B3GALT1: variants seen among roughly 807,000 people sequenced by gnomAD.
B3GALT1 encodes UDP-Gal:betaGlcNAc beta 1,3-galactosyltransferase, polypeptide 1.
In B3GALT1, 10 loss-of-function variants were observed where a neutral mutation model predicts 23.2. The observed-to-expected ratio is 0.43, with a 90% CI of 0.27 to 0.73. The LOEUF is 0.73. Among genes scored for constraint, B3GALT1 ranks in the 30% least tolerant of loss-of-function variants. B3GALT1 has a pLI of 0.21. For synonymous variants in B3GALT1, 156 were observed against 141.5 expected (o/e 1.10, Z -0.73); for missense variants, 299 against 405.4 (o/e 0.74, Z 2.25).
chr2:167,709,949 A>G lies in B3GALT1; in HGVS notation c.-352+62983A>G, dbSNP rs568925154. On this transcript the variant is annotated intron_variant, in intron 3 of 4. Transcript: ENST00000392690. ...AAGTGTGACACATAGCACATGCTCAATAATAGCAAATATATGTTTATGTAT... is the reference window on the plus strand; with the variant it reads ...AAGTGTGACACATAGCACATGCTCAGTAATAGCAAATATATGTTTATGTAT... Among the ~76,000 whole-genome samples the G allele has an allele frequency of 2.6e-5, 4 of 152,304 alleles. No individual in the cohort carries two copies. In the East Asian group the frequency reaches 5.8e-4, roughly 22 times the overall value.
intron 3 of B3GALT1, among the ~76,000 whole-genome samples, chr2:167,701,472 G>T (rs972569575): frequency 6.6e-6 from 1 of 152,216 alleles, no homozygotes; most frequent in East Asian, 1.9e-4. Flanking sequence ...ATCCTATAAA[G>T]ATACCTATGA....
chr2:167,719,146 CA>C, intron 3 of B3GALT1, among the ~76,000 whole-genome samples: 1 of 152,250 alleles, frequency 6.6e-6, no homozygotes, highest in Non-Finnish European at 1.5e-5. Flanking sequence ...GCTTGACTAC[CA>C]AAGCACACTA....
intron 2 of B3GALT1, among the ~76,000 whole-genome samples, chr2:167,529,446 G>T (rs78969548): frequency 0.028 from 4,242 of 151,824 alleles, 106 homozygotes; most frequent in Non-Finnish European, 0.046. Flanking sequence ...GGCACTCTAA[G>T]AGGGCAACTA....
At position 167,402,550 on chromosome 2, in the gene B3GALT1, T is replaced by G. The variant is rs13010759; in HGVS notation, c.-510-87627T>G. 6.9e-3 allele frequency among the ~76,000 whole-genome samples: 1,051 copies of G among 152,278 alleles called. 7 individuals are homozygous for G. The highest frequency in any genetic ancestry group is 0.014 in the Middle Eastern group (4 of 294). ...AAGGCTTATTGTGCACTAGGTACTT[T>G]CTTAGTTATGAAGGTTTTTTAATTA... On this transcript the variant is annotated intron_variant, in intron 1 of 4. Transcript: ENST00000392690.
chr2:167,622,162 A>G (rs965990844), intron 2 of B3GALT1, among the ~76,000 whole-genome samples: 3 of 152,090 alleles, frequency 2.0e-5, no homozygotes, highest in Non-Finnish European at 2.9e-5. Flanking sequence ...GGGAAAGACA[A>G]TTCTATCACC....
At chr2:167,576,854 T>C (rs1318801749) in intron 2 of B3GALT1, among the ~76,000 whole-genome samples, 2 of 151,776 alleles carry the variant, frequency 1.3e-5, no homozygotes, top group Admixed American at 6.6e-5. Flanking sequence ...CCCTGCCTTA[T>C]CTTCTTGCCA....
intron 1 of B3GALT1, among the ~76,000 whole-genome samples, chr2:167,294,886 C>G (rs1006413579): frequency 6.6e-6 from 1 of 152,140 alleles, no homozygotes; most frequent in Non-Finnish European, 1.5e-5. Flanking sequence ...CAAAAATACC[C>G]AAAACCAAAC....
chr2:167,298,810 T>C (rs1696398680), intron 1 of B3GALT1, among the ~76,000 whole-genome samples: 1 of 152,004 alleles, frequency 6.6e-6, no homozygotes, highest in African/African-American at 2.4e-5. Context: ...TTCTTGAATG[T>C]TCTAGAATGA....
intron 4 of B3GALT1, among the ~76,000 whole-genome samples, chr2:167,847,518 T>C (rs1289150297): frequency 2.6e-5 from 4 of 152,058 alleles, no homozygotes; most frequent in Non-Finnish European, 5.9e-5. Context: ...AAGACAGAAA[T>C]TTAAAAATTC....
chr2:167,582,317 A>G (rs1276209549), intron 2 of B3GALT1, among the ~76,000 whole-genome samples: 1 of 152,158 alleles, frequency 6.6e-6, no homozygotes, highest in Non-Finnish European at 1.5e-5. Flanking sequence ...GGGTTTCCAG[A>G]CTTGGCGTGC....
At chr2:167,447,671 A>T (rs1159811896) in intron 1 of B3GALT1, among the ~76,000 whole-genome samples, 4 of 151,990 alleles carry the variant, frequency 2.6e-5, no homozygotes, top group African/African-American at 7.2e-5. Context: ...CAGGCATGGG[A>T]TATAATCTCC....
At chr2:167,521,803 C>T (rs1284905744) in intron 2 of B3GALT1, among the ~76,000 whole-genome samples, 1 of 151,750 alleles carries the variant, frequency 6.6e-6, no homozygotes, top group East Asian at 1.9e-4. Context: ...CTTTGTATAA[C>T]TCTTTTTATT....
intron 1 of B3GALT1, among the ~76,000 whole-genome samples, chr2:167,327,114 A>G (rs1020783941): frequency 1.3e-5 from 2 of 152,088 alleles, no homozygotes; most frequent in African/African-American, 2.4e-5. Context: ...CCATTGATCT[A>G]TATGTTTAAT....
chr2:167,851,674 C>T (rs1472582253), intron 4 of B3GALT1, among the ~76,000 whole-genome samples: 3 of 152,208 alleles, frequency 2.0e-5, no homozygotes, highest in Non-Finnish European at 4.4e-5. Context: ...TCTTTCAGAA[C>T]TCCATGAATA....
At chr2:167,714,262 G>A in intron 3 of B3GALT1, 1 of 1,502,178 alleles carries the variant, frequency 6.7e-7, no homozygotes, top group South Asian at 1.1e-5. Flanking sequence ...TCATCCTACG[G>A]TCCTGTTCCC....
intron 3 of B3GALT1, among the ~76,000 whole-genome samples, chr2:167,799,152 T>C (rs56921777): frequency 1.3e-5 from 2 of 152,202 alleles, no homozygotes; most frequent in Non-Finnish European, 2.9e-5. Flanking sequence ...AGCCCCTTGG[T>C]TTTGAAATCA....
intron 1 of B3GALT1, among the ~76,000 whole-genome samples, chr2:167,462,519 C>T (rs1376778951): frequency 2.0e-5 from 3 of 152,132 alleles, no homozygotes; most frequent in African/African-American, 7.2e-5. Context: ...TTCCTCTTTT[C>T]CATAATCAAA....
At chr2:167,440,126 G>C (rs1363288700) in intron 1 of B3GALT1, among the ~76,000 whole-genome samples, 2 of 151,586 alleles carry the variant, frequency 1.3e-5, no homozygotes, top group Non-Finnish European at 2.9e-5. Context: ...GGCGGATCAC[G>C]AGGTCAGGAG....
chr2:167,795,584 A>G (rs1688532881), intron 3 of B3GALT1, among the ~76,000 whole-genome samples: 1 of 152,166 alleles, frequency 6.6e-6, no homozygotes, highest in Non-Finnish European at 1.5e-5. Flanking sequence ...AAATCTTAGA[A>G]TCAATCCAAT....
Sources: allele counts gnomAD v4.1 joint callset (sites outside exome capture counted in the v4.1 genomes callset), GRCh38; gene constraint gnomAD v4.1.1; transcripts MANE v1.5; gene names NCBI Gene and HGNC (gene_info 2026-07-23, HGNC 2026-07-21).